The following MYO1D variants were observed in gnomAD, a reference collection of about 807,000 sequenced individuals.
The protein encoded by MYO1D is unconventional myosin-Id.
A neutral mutation model predicts 122.0 loss-of-function variants in MYO1D; 83 were observed. The observed-to-expected ratio is 0.68, with a 90% confidence interval of 0.57 to 0.82. The LOEUF is 0.82. MYO1D is among the 40% of genes least tolerant of loss of function. MYO1D has a pLI of 0.00. For synonymous variants in MYO1D, 464 were observed against 446.9 expected (o/e 1.04, Z -0.48); for missense variants, 1,157 against 1,269.5 (o/e 0.91, Z 1.35).
chr17:32,641,363 CTT>C, intron 19 of MYO1D, among the ~76,000 whole-genome samples: 1 of 151,900 alleles, frequency 6.6e-6, no homozygotes, highest in Non-Finnish European at 1.5e-5. Flanking sequence ...GGTTCCAAGT[CTT>C]TGCTATTGTG....
intron 19 of MYO1D, among the ~76,000 whole-genome samples, chr17:32,647,684 TAC>T (rs1461226898): frequency 8.8e-6 from 1 of 113,914 alleles, no homozygotes; most frequent in African/African-American, 3.6e-5. Context: ...TTATAGCTTA[TAC>T]ATTTTTTTTT....
At chr17:32,856,296 G>A (rs73285608) in intron 1 of MYO1D, among the ~76,000 whole-genome samples, 7,329 of 152,150 alleles carry the variant, frequency 0.048, 550 homozygotes, top group African/African-American at 0.16. Flanking sequence ...CTCATCCTTT[G>A]CAGAAGACTC....
intron 21 of MYO1D, among the ~76,000 whole-genome samples, chr17:32,550,176 T>C (rs1445192574): frequency 6.6e-6 from 1 of 151,872 alleles, no homozygotes; most frequent in Non-Finnish European, 1.5e-5. Context: ...CTCAGCTCAC[T>C]GCAACCCCTG....
intron 21 of MYO1D, among the ~76,000 whole-genome samples, chr17:32,574,536 G>A (rs1421699156): frequency 6.6e-6 from 1 of 152,106 alleles, no homozygotes; most frequent in Admixed American, 6.5e-5. Context: ...CTTATTCACA[G>A]CATTTAATTC....
At chr17:32,676,778 C>T (rs2088815669) in intron 16 of MYO1D, among the ~76,000 whole-genome samples, 1 of 152,064 alleles carries the variant, frequency 6.6e-6, no homozygotes, top group South Asian at 2.1e-4. Flanking sequence ...TGCAACTAAA[C>T]ATATTGTGAT....
At chr17:32,745,367 T>C (rs2089824312) in intron 12 of MYO1D, 82 bp from the exon 13 acceptor site, 5 of 786,902 alleles carry the variant, frequency 6.4e-6, no homozygotes, top group Admixed American at 2.7e-5. Context: ...GCAACAAGCC[T>C]TTCCACCGTT....
At chr17:32,798,697 G>A (rs181725139) in intron 1 of MYO1D, among the ~76,000 whole-genome samples, 24 of 152,236 alleles carry the variant, frequency 1.6e-4, no homozygotes, top group Non-Finnish European at 3.4e-4. Context: ...GAGTGATTAT[G>A]GTAAGGGAAA....
At chr17:32,874,381 T>G (rs1225683787) in intron 1 of MYO1D, among the ~76,000 whole-genome samples, 3 of 151,752 alleles carry the variant, frequency 2.0e-5, no homozygotes, top group African/African-American at 7.3e-5. Context: ...CGTGCTCTAT[T>G]ACACAGGCTG....
At chr17:32,563,314 A>G (rs1315473785) in intron 21 of MYO1D, among the ~76,000 whole-genome samples, 1 of 146,384 alleles carries the variant, frequency 6.8e-6, no homozygotes, top group African/African-American at 2.6e-5. Context: ...GGTTCCAGCG[A>G]TTCTTTTGCC....
chr17:32,510,503 T>C (rs1909654152), intron 21 of MYO1D: 1 of 152,266 alleles, frequency 6.6e-6, no homozygotes, highest in Admixed American at 6.5e-5. Context: ...CTCCTGGTGC[T>C]TGGAGAATTT....
At chr17:32,625,556 A>AT (rs34078824) in intron 20 of MYO1D, among the ~76,000 whole-genome samples, 75,794 of 149,558 alleles carry the variant, frequency 0.51, 19,633 homozygotes, top group African/African-American at 0.63. Flanking sequence ...TTAAAACAGG[A>AT]TTTTTTTTTT....
chr17:32,632,992 A>G (rs1227296942), intron 20 of MYO1D, among the ~76,000 whole-genome samples: 2 of 152,084 alleles, frequency 1.3e-5, no homozygotes, highest in Non-Finnish European at 1.5e-5. Flanking sequence ...ACAAATTACT[A>G]TCTATGTAGT....
intron 1 of MYO1D, among the ~76,000 whole-genome samples, chr17:32,787,790 C>T (rs2090313100): frequency 6.6e-6 from 1 of 152,168 alleles, no homozygotes; most frequent in Admixed American, 6.5e-5. Context: ...TTATATCATT[C>T]TTGTGCCTTT....
Position 32,781,231 on chromosome 17 carries a change from T to C in MYO1D, c.96-447A>G, listed in dbSNP as rs139475856. 3.7e-3 allele frequency among the ~76,000 whole-genome samples: 557 copies of C among 152,336 alleles called. 3 individuals carry two copies. The highest frequency in any genetic ancestry group is 0.013 in the African/African-American group (520 of 41,588). On this transcript the variant is annotated intron_variant, in intron 1 of 21. Coordinates refer to ENST00000318217, the MANE Select transcript of MYO1D (RefSeq NM_015194.3). ...TCCCTCTTGAACCTCACTAAAATGT[T>C]AGTAAATTAATATAAACAGTAAAAT...
chr17:32,876,249 T>C (rs912191259), intron 1 of MYO1D, among the ~76,000 whole-genome samples: 2 of 150,778 alleles, frequency 1.3e-5, no homozygotes, highest in African/African-American at 4.9e-5. Context: ...GCATCCTGAA[T>C]GACAGGATGG....
intron 1 of MYO1D, among the ~76,000 whole-genome samples, chr17:32,792,909 G>A (rs184733350): frequency 6.6e-6 from 1 of 152,158 alleles, no homozygotes; most frequent in Non-Finnish European, 1.5e-5. Flanking sequence ...CTCCAATTAT[G>A]AGCTTTAGAG....
chr17:32,679,195 C>A (rs200777204), intron 16 of MYO1D, among the ~76,000 whole-genome samples: 3 of 150,940 alleles, frequency 2.0e-5, no homozygotes, highest in African/African-American at 7.3e-5. Context: ...AAAATTTTCT[C>A]CCATTTTGTA....
At chr17:32,608,540 T>C (rs2087659295) in intron 20 of MYO1D, among the ~76,000 whole-genome samples, 1 of 152,190 alleles carries the variant, frequency 6.6e-6, no homozygotes, top group African/African-American at 2.4e-5. Flanking sequence ...CATGCATCAT[T>C]GGTGAAAATA....
intron 19 of MYO1D, among the ~76,000 whole-genome samples, chr17:32,646,415 C>T (rs987012726): frequency 6.6e-6 from 1 of 151,938 alleles, no homozygotes; most frequent in Admixed American, 6.6e-5. Context: ...GCTGCAGTCA[C>T]AGCCTGGGCA....
Sources: gnomAD v4.1 joint callset for allele counts (sites outside exome capture counted in the v4.1 genomes callset) on GRCh38, gnomAD v4.1.1 for gene constraint, MANE v1.5 for transcripts, NCBI Gene and HGNC (gene_info 2026-07-23, HGNC 2026-07-21) for gene names.